GALNT13: variants seen among roughly 807,000 people sequenced by gnomAD.
GALNT13 encodes UDP-GalNAc:polypeptide N-acetylgalactosaminyltransferase 13.
Under a neutral mutation model 64.2 loss-of-function variants are expected in GALNT13, and 28 were observed. The observed-to-expected ratio is 0.44, with a 90% CI of 0.32 to 0.60. The LOEUF is 0.60. GALNT13 is among the 20% of genes least tolerant of loss of function. The pLI, the probability that GALNT13 is intolerant of heterozygous loss-of-function variation, is 0.05. For missense variants in GALNT13, 577 were observed against 669.8 expected, an observed-to-expected ratio of 0.86 and a Z score of 1.53; for synonymous variants, 214 against 224.6, an observed-to-expected ratio of 0.95 and a Z score of 0.42.
rs577083836 is a variant in GALNT13, at chr2:154,354,704, G to A, written c.1157-41287G>A. On this transcript the variant is annotated intron_variant, in intron 9 of 12. Transcript: ENST00000392825. The stretch of plus-strand genomic sequence containing the variant: ...CTTTTCCCCATTGTGTTCTCTTGGT[G>A]CCCTTGTTGAAAATTAGCTGATCAT... Among the ~76,000 whole-genome samples the A allele has an allele frequency of 1.9e-4, 29 of 151,638 alleles. No homozygotes were observed. The South Asian group carries it at 4.6e-3, about 24-fold the overall frequency.
intron 8 of GALNT13, among the ~76,000 whole-genome samples, chr2:154,268,451 G>A (rs1227144877): frequency 6.6e-6 from 1 of 152,186 alleles, no homozygotes; most frequent in Non-Finnish European, 1.5e-5. Flanking sequence ...ACCAAGGGGA[G>A]CATGAAAACT....
chr2:153,352,139 C>T, the GALNT13 span, among the ~76,000 whole-genome samples: 1 of 152,122 alleles, frequency 6.6e-6, no homozygotes, highest in South Asian at 2.1e-4. Flanking sequence ...TAGCGTTCTG[C>T]ATTATGGCTA....
the GALNT13 span, among the ~76,000 whole-genome samples, chr2:153,508,991 C>G: frequency 6.6e-6 from 1 of 152,208 alleles, no homozygotes; most frequent in Non-Finnish European, 1.5e-5. Context: ...AAGAAGTTGT[C>G]CTTCCCCAAG....
intron 3 of GALNT13, among the ~76,000 whole-genome samples, chr2:154,097,366 C>T (rs1261974646): frequency 1.3e-5 from 2 of 152,024 alleles, no homozygotes; most frequent in Non-Finnish European, 2.9e-5. Context: ...TGATGTGCTA[C>T]ACCAATAGGT....
chr2:153,330,492 A>G, the GALNT13 span, among the ~76,000 whole-genome samples: 1 of 152,166 alleles, frequency 6.6e-6, no homozygotes, highest in Non-Finnish European at 1.5e-5. Flanking sequence ...CTCCTAGGTT[A>G]GATGTATTCC....
the GALNT13 span, among the ~76,000 whole-genome samples, chr2:153,214,479 A>T: frequency 6.6e-6 from 1 of 152,036 alleles, no homozygotes; most frequent in Non-Finnish European, 1.5e-5. Flanking sequence ...ACTCTCTATA[A>T]AATCAAGTGC....
chr2:153,141,311 A>T, the GALNT13 span, among the ~76,000 whole-genome samples: 573 of 152,124 alleles, frequency 3.8e-3, 2 homozygotes, highest in African/African-American at 0.013. Flanking sequence ...TGGGGCAGCC[A>T]CCACTGGCCT....
At chr2:153,560,162 G>A in the GALNT13 span, among the ~76,000 whole-genome samples, 5 of 152,080 alleles carry the variant, frequency 3.3e-5, no homozygotes, top group African/African-American at 1.2e-4. Context: ...CCTTTAGTGG[G>A]AAATAATATT....
chr2:153,153,371 A>AT, the GALNT13 span, among the ~76,000 whole-genome samples: 1 of 151,506 alleles, frequency 6.6e-6, no homozygotes, highest in Non-Finnish European at 1.5e-5. Flanking sequence ...TTGATAGCTT[A>AT]TTTTTCTGTA....
the GALNT13 span, among the ~76,000 whole-genome samples, chr2:153,504,979 C>A: frequency 6.6e-6 from 1 of 152,108 alleles, no homozygotes; most frequent in Non-Finnish European, 1.5e-5. Context: ...CCTTGAATGT[C>A]TGATAGAATT....
intron 1 of GALNT13, among the ~76,000 whole-genome samples, chr2:153,876,625 G>A (rs573992445): frequency 6.6e-6 from 1 of 152,164 alleles, no homozygotes; most frequent in Admixed American, 6.5e-5. Context: ...TCAGTGTAGT[G>A]TATCTATTAT....
chr2:153,248,565 G>C, the GALNT13 span, among the ~76,000 whole-genome samples: 2 of 151,882 alleles, frequency 1.3e-5, no homozygotes, highest in African/African-American at 2.4e-5. Flanking sequence ...TGTAATCCCA[G>C]CACTTTGGGA....
At chr2:153,382,258 C>G in the GALNT13 span, among the ~76,000 whole-genome samples, 1 of 151,936 alleles carries the variant, frequency 6.6e-6, no homozygotes, top group Non-Finnish European at 1.5e-5. Flanking sequence ...TGCAGGTTTG[C>G]TACATGGGTA....
chr2:153,387,087 T>C, the GALNT13 span, among the ~76,000 whole-genome samples: 4 of 152,218 alleles, frequency 2.6e-5, no homozygotes, highest in East Asian at 5.8e-4. Context: ...CTCTGGTATT[T>C]TATTCTAGAA....
chr2:153,645,853 A>G, the GALNT13 span, among the ~76,000 whole-genome samples: 1 of 152,062 alleles, frequency 6.6e-6, no homozygotes, highest in Non-Finnish European at 1.5e-5. Context: ...AGGGTTACAG[A>G]GCAGCAGGGA....
chr2:154,114,498 G>A (rs1237831268), intron 3 of GALNT13, among the ~76,000 whole-genome samples: 1 of 152,146 alleles, frequency 6.6e-6, no homozygotes, highest in Non-Finnish European at 1.5e-5. Flanking sequence ...TCCCTGAAAT[G>A]CCTATCATTT....
At chr2:154,369,209 G>C (rs181507553) in intron 9 of GALNT13, among the ~76,000 whole-genome samples, 1 of 151,992 alleles carries the variant, frequency 6.6e-6, no homozygotes, top group Non-Finnish European at 1.5e-5. Context: ...TAAGTATCTC[G>C]TATTTCCAAG....
the GALNT13 span, among the ~76,000 whole-genome samples, chr2:153,638,375 A>G: frequency 2.0e-5 from 3 of 152,180 alleles, no homozygotes; most frequent in African/African-American, 4.8e-5. Flanking sequence ...GCAGAGGGAT[A>G]CAAGGAGATA....
At chr2:153,894,570 T>TG (rs1303919130) in intron 1 of GALNT13, among the ~76,000 whole-genome samples, 1 of 151,258 alleles carries the variant, frequency 6.6e-6, no homozygotes, top group African/African-American at 2.4e-5. Flanking sequence ...GAGAGAGAGA[T>TG]GGGGGTGACA....
Sources: allele counts gnomAD v4.1 joint callset (sites outside exome capture counted in the v4.1 genomes callset), GRCh38; gene constraint gnomAD v4.1.1; transcripts MANE v1.5; gene names NCBI Gene and HGNC (gene_info 2026-07-23, HGNC 2026-07-21).